ZFHX3: variants seen among roughly 807,000 people sequenced by gnomAD.
The protein encoded by ZFHX3 is zinc finger homeobox protein 3.
A neutral mutation model predicts 279.1 loss-of-function variants in ZFHX3; 42 were observed. That is an observed-to-expected ratio of 0.15 (90% CI 0.12 to 0.19). The LOEUF (loss-of-function observed/expected upper bound fraction) is 0.19, where lower values mean the gene tolerates loss of function less well. ZFHX3 is among the 10% of genes least tolerant of loss of function. The pLI, the probability that ZFHX3 is intolerant of heterozygous loss-of-function variation, is 1.00. For missense variants in ZFHX3, 4,981 were observed against 4,754.0 expected (o/e 1.05, Z -1.40); for synonymous variants, 2,293 against 1,957.8 (o/e 1.17, Z -4.52).
At chr16:73,431,848 G>T (rs1377744132) in intron 3 of ZFHX3, among the ~76,000 whole-genome samples, 1 of 152,130 alleles carries the variant, frequency 6.6e-6, no homozygotes, top group Admixed American at 6.6e-5. Context: ...ACAAGCTGGG[G>T]TCTCCCAGTA....
chr16:73,461,184 T>A (rs896654174), intron 2 of ZFHX3, among the ~76,000 whole-genome samples: 6 of 152,224 alleles, frequency 3.9e-5, no homozygotes, highest in African/African-American at 1.4e-4. Context: ...ATGTGCTCAT[T>A]TGCCATTTGT....
At chr16:73,065,597 G>A (rs939353221) in intron 8 of ZFHX3, among the ~76,000 whole-genome samples, 2 of 150,888 alleles carry the variant, frequency 1.3e-5, no homozygotes, top group Non-Finnish European at 3.0e-5. Context: ...GTGTGTGTGT[G>A]TGTGTGTGTG....
chr16:73,886,556 C>T (rs1293825199), intron 1 of ZFHX3, among the ~76,000 whole-genome samples: 2 of 152,172 alleles, frequency 1.3e-5, no homozygotes, highest in Non-Finnish European at 2.9e-5. Flanking sequence ...AAGCCTTCGA[C>T]AGCATTAGGA....
chr16:73,740,635 C>A (rs114525563), intron 1 of ZFHX3, among the ~76,000 whole-genome samples: 2,704 of 151,902 alleles, frequency 0.018, 77 homozygotes, highest in African/African-American at 0.062. Flanking sequence ...AAGCAAAATA[C>A]AAATACAAAA....
At chr16:73,853,614 T>G (rs1023969155) in intron 1 of ZFHX3, among the ~76,000 whole-genome samples, 20 of 152,176 alleles carry the variant, frequency 1.3e-4, no homozygotes, top group Admixed American at 3.3e-4. Context: ...CACTTATAAG[T>G]AGGAGCTAAA....
At chr16:73,784,433 C>G (rs1241622565) in intron 1 of ZFHX3, among the ~76,000 whole-genome samples, 1 of 152,046 alleles carries the variant, frequency 6.6e-6, no homozygotes, top group East Asian at 1.9e-4. Context: ...AAGACAGATG[C>G]TGTCTTCCAA....
Position 72,793,586 on chromosome 16 carries a change from C to G in ZFHX3, c.9096G>C (p.Lys3032Asn), listed in dbSNP as rs140157753. 9 of 1,614,088 alleles carry G rather than the reference C, an allele frequency of 5.6e-6. No homozygotes were observed. In the South Asian group the frequency reaches 8.8e-5, roughly 16 times the overall value. ...CACGTACAGACAGCCGAGCGCTGTA[C>G]TTGATGCCACACAAAGTGCACTCTG... ...PKTECTLCGI[K>N]YSARLSVRDH... The change falls in exon 9 of 10, where the codon AAG becomes AAC. Residue 3032 changes from lysine (K) to asparagine (N), a missense_variant. Transcript: ENST00000268489. This position sits in a 1 kb window ranked among gnomAD's most constrained non-coding sequence, Gnocchi z 4.3.
intron 5 of ZFHX3, among the ~76,000 whole-genome samples, chr16:73,241,721 C>T (rs1312206414): frequency 7.7e-6 from 1 of 129,114 alleles, no homozygotes. Context: ...ACCCAGGAGG[C>T]GGAGGTTGCG....
At chr16:73,121,442 C>T (rs1203240256) in intron 7 of ZFHX3, among the ~76,000 whole-genome samples, 1 of 152,124 alleles carries the variant, frequency 6.6e-6, no homozygotes, top group Non-Finnish European at 1.5e-5. Context: ...TAAAATTACA[C>T]ACATGGCTTG....
chr16:73,380,181 A>G (rs9930880), intron 3 of ZFHX3, among the ~76,000 whole-genome samples: 23,920 of 152,216 alleles, frequency 0.16, 3,735 homozygotes, highest in African/African-American at 0.4. Context: ...GATAAAGGAC[A>G]TATAATATCC....
At chr16:73,854,286 G>T (rs1430400476) in intron 1 of ZFHX3, among the ~76,000 whole-genome samples, 1 of 152,144 alleles carries the variant, frequency 6.6e-6, no homozygotes, top group African/African-American at 2.4e-5. Flanking sequence ...AGAACTATGG[G>T]AGGCAGACGC....
chr16:73,253,331 G>T (rs1231585742), intron 5 of ZFHX3, among the ~76,000 whole-genome samples: 1 of 152,162 alleles, frequency 6.6e-6, no homozygotes, highest in African/African-American at 2.4e-5. Context: ...AATAAAGACT[G>T]TGAGAAATGA....
At chr16:73,622,656 C>T (rs913288962) in intron 2 of ZFHX3, among the ~76,000 whole-genome samples, 1 of 152,156 alleles carries the variant, frequency 6.6e-6, no homozygotes, top group African/African-American at 2.4e-5. Context: ...GGTGCTAGGG[C>T]TTTGGACACT....
At chr16:73,755,829 G>C (rs2053803451) in intron 1 of ZFHX3, among the ~76,000 whole-genome samples, 2 of 152,204 alleles carry the variant, frequency 1.3e-5, no homozygotes, top group African/African-American at 4.8e-5. Context: ...TTAAAAAGTA[G>C]AGGATGAAAG....
chr16:72,812,339 C>T (rs985725972), intron 5 of ZFHX3, among the ~76,000 whole-genome samples: 1 of 152,126 alleles, frequency 6.6e-6, no homozygotes, highest in Admixed American at 6.5e-5. Context: ...TCTAACCTCC[C>T]CCAATCTAGA....
chr16:73,359,532 G>A (rs2016401056), intron 3 of ZFHX3, among the ~76,000 whole-genome samples: 1 of 152,188 alleles, frequency 6.6e-6, no homozygotes, highest in African/African-American at 2.4e-5. Context: ...GGAAGAACCT[G>A]AAGGCTGAGA....
At chr16:72,813,489 G>A (rs537510202) in intron 5 of ZFHX3, among the ~76,000 whole-genome samples, 1 of 152,170 alleles carries the variant, frequency 6.6e-6, no homozygotes. Flanking sequence ...CCAAATGCAG[G>A]AAATATATTC....
At chr16:73,781,015 C>T (rs1959451338) in intron 1 of ZFHX3, among the ~76,000 whole-genome samples, 1 of 152,082 alleles carries the variant, frequency 6.6e-6, no homozygotes, top group South Asian at 2.1e-4. Context: ...GCTTTTGCTT[C>T]TTCTATATTA....
At chr16:73,368,034 C>T (rs151164022) in intron 3 of ZFHX3, among the ~76,000 whole-genome samples, 2,678 of 152,144 alleles carry the variant, frequency 0.018, 27 homozygotes, top group Non-Finnish European at 0.028. Context: ...CCACATCTGG[C>T]TAATTTTTTT....
Sources: allele counts gnomAD v4.1 joint callset (sites outside exome capture counted in the v4.1 genomes callset), GRCh38; gene constraint gnomAD v4.1.1; non-coding constraint Gnocchi (gnomAD v3.1); transcripts MANE v1.5; gene names NCBI Gene and HGNC (gene_info 2026-07-23, HGNC 2026-07-21).